The following PEMT variants were observed in gnomAD, a reference collection of about 807,000 sequenced individuals.
PEMT encodes phosphatidylethanolamine N-methyltransferase, also known as phospholipid methyltransferase.
PEMT carries 23 observed loss-of-function variants against 27.4 expected under a neutral mutation model. That is an observed-to-expected ratio of 0.84 (90% CI 0.60 to 1.19). The LOEUF (loss-of-function observed/expected upper bound fraction) is 1.19, where lower values mean the gene tolerates loss of function less well. Among genes scored for constraint, PEMT ranks in the 50% most tolerant of loss-of-function variants. The pLI is 0.00. For missense variants in PEMT, 307 were observed against 310.1 expected (o/e 0.99, Z 0.07); for synonymous variants, 137 against 139.1 (o/e 0.98, Z 0.11).
rs1283696901 is a variant in PEMT at position 17,513,056 on chromosome 17, A to G, written c.321-402T>C. ...CATACTATGGAGGAAAGTGAGGCTCAGGAAAGACGCAGGTGCCAGGTTGCA... is the reference window on the plus strand; with the variant it reads ...CATACTATGGAGGAAAGTGAGGCTCGGGAAAGACGCAGGTGCCAGGTTGCA... On this transcript the variant is annotated intron_variant, in intron 3 of 6. Coordinates refer to ENST00000255389, the MANE Select transcript of PEMT (RefSeq NM_148172.3). The surrounding 1 kb of genome is among the most constrained non-coding windows in gnomAD (Gnocchi z 4.1). Among the ~76,000 whole-genome samples, 1 of 152,212 alleles carries G rather than the reference A, an allele frequency of 6.6e-6. No individual in the cohort carries two copies. The highest frequency in any genetic ancestry group is 1.5e-5 in the Non-Finnish European group (1 of 68,030).
intron 2 of PEMT, among the ~76,000 whole-genome samples, chr17:17,536,462 C>A (rs904215132): frequency 6.6e-6 from 1 of 152,214 alleles, no homozygotes; most frequent in African/African-American, 2.4e-5. Context: ...AGTTCAAAGG[C>A]CTCCTCTGTC....
intron 1 of PEMT, among the ~76,000 whole-genome samples, chr17:17,579,809 G>A (rs1373768970): frequency 2.0e-5 from 3 of 152,214 alleles, no homozygotes; most frequent in Non-Finnish European, 2.9e-5. Flanking sequence ...CACGGCAGCA[G>A]GTGTGGGCAT....
chr17:17,592,106 A>C, upstream of PEMT: 1 of 985,134 alleles, frequency 1.0e-6, no homozygotes, highest in Non-Finnish European at 1.2e-6. Context: ...CCACACGCCC[A>C]GGGCCCCACG....
At chr17:17,570,659 A>G in intron 2 of PEMT, 1 of 985,410 alleles carries the variant, frequency 1.0e-6, no homozygotes, top group Non-Finnish European at 1.2e-6. Flanking sequence ...ATGACTGAGG[A>G]TACAGGTGGG....
intron 1 of PEMT, among the ~76,000 whole-genome samples, chr17:17,586,061 C>T (rs112700645): frequency 7.4e-5 from 10 of 135,218 alleles, no homozygotes; most frequent in Admixed American, 2.5e-4. Context: ...TCAGCCTGGG[C>T]GACAGAGCGA....
intron 1 of PEMT, among the ~76,000 whole-genome samples, chr17:17,586,214 GAAAAAGAAAGAAAGAA>G (rs1912249267): frequency 2.5e-5 from 2 of 80,070 alleles, no homozygotes; most frequent in Non-Finnish European, 5.3e-5. Flanking sequence ...AAGAAAGAAA[GAAAAAGAAAGAAAGAA>G]AGAAAGAAAG....
intron 4 of PEMT, among the ~76,000 whole-genome samples, chr17:17,510,868 T>C (rs1906327611): frequency 6.6e-6 from 1 of 152,124 alleles, no homozygotes; most frequent in Non-Finnish European, 1.5e-5. Context: ...CACTGGCCAC[T>C]GGAGGGCCCC....
At chr17:17,507,922 G>A (rs944030997) in intron 5 of PEMT, 6 of 152,472 alleles carry the variant, frequency 3.9e-5, no homozygotes, top group Non-Finnish European at 7.3e-5. Context: ...CCAGAGCCCT[G>A]GCCTGGCTGC....
intron 2 of PEMT, among the ~76,000 whole-genome samples, chr17:17,526,472 G>A (rs1907677310): frequency 6.6e-6 from 1 of 152,264 alleles, no homozygotes; most frequent in Non-Finnish European, 1.5e-5. Flanking sequence ...GTGGAAGGAG[G>A]GGTAGAGCAG....
chr17:17,514,098 C>T (rs758254419), intron 3 of PEMT, among the ~76,000 whole-genome samples: 3 of 152,200 alleles, frequency 2.0e-5, no homozygotes, highest in South Asian at 2.1e-4. Flanking sequence ...CACAACCATC[C>T]ATCCATCCAC....
intron 2 of PEMT, among the ~76,000 whole-genome samples, chr17:17,541,508 G>T (rs912969459): frequency 2.0e-5 from 3 of 152,188 alleles, no homozygotes; most frequent in Non-Finnish European, 4.4e-5. Flanking sequence ...GGGCAGGCTC[G>T]GACATGGCGG....
intron 2 of PEMT, among the ~76,000 whole-genome samples, chr17:17,547,400 CTG>C (rs1255679529): frequency 1.3e-5 from 2 of 152,252 alleles, no homozygotes; most frequent in Non-Finnish European, 2.9e-5. Context: ...CGCATGGACT[CTG>C]TGTGATGATG....
At chr17:17,517,187 A>G (rs1282819070) in intron 3 of PEMT, among the ~76,000 whole-genome samples, 4 of 152,090 alleles carry the variant, frequency 2.6e-5, no homozygotes, top group African/African-American at 9.7e-5. Context: ...CAGCCTGGGG[A>G]GTCCCTAAGC....
At chr17:17,522,157 TG>T (rs1907314955) in intron 3 of PEMT, 122 bp downstream of exon 3, 1 of 698,916 alleles carries the variant, frequency 1.4e-6, no homozygotes, top group African/African-American at 1.8e-5. Context: ...CAGGTGGCTT[TG>T]AGAGCTAACC....
intron 2 of PEMT, among the ~76,000 whole-genome samples, chr17:17,524,730 C>T (rs1907546147): frequency 6.6e-6 from 1 of 152,158 alleles, no homozygotes; most frequent in Non-Finnish European, 1.5e-5. Flanking sequence ...AAGACCCTGT[C>T]TCAAAAACAA....
chr17:17,591,589 T>C lies in PEMT; in HGVS notation c.38A>G (p.Asn13Ser). ...RSGNPGAEVT[N>S]SSVAGPDCCG... ...GCAGTCAGGCCCTGCCACCGAGCTG[T>C]TCGTTACCTCGGCTCCCGGGTTCCC... is the stretch of plus-strand genomic sequence containing the variant. The change falls in exon 1 of 7, where the codon AAC becomes AGC. Residue 13 changes from asparagine (N) to serine (S), a missense_variant. Asn to Ser is a conservative substitution (Grantham distance 46). Coordinates refer to ENST00000255389, the MANE Select transcript of PEMT (RefSeq NM_148172.3). 1 of 1,613,638 alleles carries C rather than the reference T, an allele frequency of 6.2e-7. No individual in the cohort carries two copies.
chr17:17,572,424 C>T (rs940408967), intron 2 of PEMT, among the ~76,000 whole-genome samples: 22 of 152,252 alleles, frequency 1.4e-4, no homozygotes, highest in African/African-American at 5.3e-4. Flanking sequence ...CTCCCTCTGC[C>T]TGGCTCCAGC....
Position 17,586,197 on chromosome 17 carries a change from GGAAA to G in PEMT, c.96+5330_96+5333del, listed in dbSNP as rs202134365. ...AAGAAAGAAAAAGAAAAAGAAGGAA[GGAAA>G]GAAAGAAAGAAAGAAAAAGAAAGAA... On this transcript the variant is annotated intron_variant, in intron 1 of 6. Coordinates refer to ENST00000255389, the MANE Select transcript of PEMT (RefSeq NM_148172.3). Among the ~76,000 whole-genome samples, 181 of 106,960 alleles carry G rather than the reference GGAAA, an allele frequency of 1.7e-3. 1 individual carries two copies. The highest frequency in any genetic ancestry group is 5.4e-3 in the Middle Eastern group (1 of 184). The allele number at this position is 106,960 out of a possible 152,430, so 70.2% of individuals were successfully genotyped here.
intron 1 of PEMT, among the ~76,000 whole-genome samples, chr17:17,584,159 TTTTC>T (rs1027867230): frequency 9.9e-5 from 15 of 152,060 alleles, no homozygotes; most frequent in African/African-American, 3.6e-4. Flanking sequence ...CCATTTTCTT[TTTTC>T]TTTCCTTTTT....
Sources: gnomAD v4.1 joint callset for allele counts (sites outside exome capture counted in the v4.1 genomes callset) on GRCh38, gnomAD v4.1.1 for gene constraint, Gnocchi (gnomAD v3.1) non-coding constraint, MANE v1.5 for transcripts, NCBI Gene and HGNC (gene_info 2026-07-23, HGNC 2026-07-21) for gene names.